Variants in IMPG1 observed in about 807,000 individuals in gnomAD.
IMPG1 encodes the protein interphotoreceptor matrix proteoglycan of 150 kDa.
IMPG1 carries 85 observed loss-of-function variants against 92.0 expected under a neutral mutation model. The observed-to-expected ratio is 0.92, with a 90% CI of 0.78 to 1.11. IMPG1 has a LOEUF of 1.11. Among genes scored for constraint, IMPG1 ranks in the 50% least tolerant of loss-of-function variants. The pLI is 0.00. For synonymous variants in IMPG1, 367 were observed against 334.1 expected (o/e 1.10, Z -1.08); for missense variants, 1,022 against 956.0 (o/e 1.07, Z -0.91).
At chr6:75,973,703 A>G (rs145519268) in intron 12 of IMPG1, among the ~76,000 whole-genome samples, 114 of 152,342 alleles carry the variant, frequency 7.5e-4, no homozygotes, top group African/African-American at 2.6e-3. Context: ...TTACTTCACT[A>G]CACTACTGAG....
rs867586573 is a variant in IMPG1 at position 75,971,129 on chromosome 6, T to A, written c.1292-20035A>T. 4.6e-5 allele frequency among the ~76,000 whole-genome samples: 7 copies of A among 152,260 alleles called. No homozygotes were observed. In the Middle Eastern group the frequency reaches 0.017, roughly 370 times the overall value. On this transcript the variant is annotated intron_variant, in intron 12 of 16. Coordinates refer to ENST00000369950, the MANE Select transcript of IMPG1 (RefSeq NM_001563.4). ...GTGGCACATATACACCATGGAATAC[T>A]ATGCAGCCATAAAAAATGATGAGTT... is the stretch of plus-strand genomic sequence containing the variant.
At chr6:76,006,210 T>C (rs1400054076) in intron 9 of IMPG1, among the ~76,000 whole-genome samples, 8 of 151,842 alleles carry the variant, frequency 5.3e-5, no homozygotes, top group Admixed American at 2.0e-4. Flanking sequence ...AGTCATGCCG[T>C]GCCAATCAGG....
chr6:76,060,636 G>A (rs1784189839), intron 1 of IMPG1, among the ~76,000 whole-genome samples: 1 of 152,186 alleles, frequency 6.6e-6, no homozygotes, highest in South Asian at 2.1e-4. Flanking sequence ...AGGTCCAGTG[G>A]TTGCTGAAAA....
At chr6:75,939,044 G>T (rs1781795595) in intron 14 of IMPG1, among the ~76,000 whole-genome samples, 1 of 151,998 alleles carries the variant, frequency 6.6e-6, no homozygotes, top group African/African-American at 2.4e-5. Flanking sequence ...TCATCATGTT[G>T]CCCAGGCTGG....
At chr6:75,998,447 T>C (rs1044144501) in intron 12 of IMPG1, among the ~76,000 whole-genome samples, 4 of 152,142 alleles carry the variant, frequency 2.6e-5, no homozygotes, top group Admixed American at 2.0e-4. Flanking sequence ...AAGGCTGAGA[T>C]GAGACAAAGA....
chr6:76,001,757 C>T (rs1782994230), intron 12 of IMPG1, among the ~76,000 whole-genome samples: 2 of 152,134 alleles, frequency 1.3e-5, no homozygotes, highest in African/African-American at 2.4e-5. Flanking sequence ...TGATCCCTGC[C>T]AAAATTACAG....
At chr6:75,982,261 T>A (rs754253959) in intron 12 of IMPG1, among the ~76,000 whole-genome samples, 1 of 152,142 alleles carries the variant, frequency 6.6e-6, no homozygotes, top group Non-Finnish European at 1.5e-5. Context: ...GGCAACAGAC[T>A]GTTATTTACC....
At position 76,002,962 on chromosome 6, in the gene IMPG1, TC is replaced by T; in HGVS notation, c.1246del (p.Glu416AsnfsTer44). ...ATLSPELPPV[E>X]PQLETVDGAE... ...TCCGTCCACTGTCTCAAGCTGGGGT[TC>T]AACAGGAGGAAGTTCTGGACTCAAA... On this transcript the variant is annotated frameshift_variant, in exon 12 of 17. Coordinates refer to ENST00000369950, the MANE Select transcript of IMPG1 (RefSeq NM_001563.4). LOFTEE classifies it high-confidence loss of function. The T allele has an allele frequency of 6.2e-7, 1 of 1,613,826 alleles. No homozygotes were observed. The highest frequency in any genetic ancestry group is 8.5e-7 in the Non-Finnish European group (1 of 1,179,800).
chr6:75,948,254 C>T (rs1781961611), intron 13 of IMPG1, among the ~76,000 whole-genome samples: 1 of 152,206 alleles, frequency 6.6e-6, no homozygotes, highest in Non-Finnish European at 1.5e-5. Context: ...TGCCCCATGG[C>T]ATTGTGTTTC....
At chr6:75,997,645 C>T (rs1477154623) in intron 12 of IMPG1, among the ~76,000 whole-genome samples, 1 of 152,156 alleles carries the variant, frequency 6.6e-6, no homozygotes, top group Non-Finnish European at 1.5e-5. Flanking sequence ...AGGGAGGGCA[C>T]ATATCCTCCA....
At chr6:75,948,661 G>T (rs1287041779) in intron 13 of IMPG1, among the ~76,000 whole-genome samples, 1 of 152,158 alleles carries the variant, frequency 6.6e-6, no homozygotes, top group Non-Finnish European at 1.5e-5. Flanking sequence ...TTGGCCTGGG[G>T]TAGAGATTCC....
At chr6:76,020,387 C>T (rs541368140) in intron 6 of IMPG1, among the ~76,000 whole-genome samples, 1 of 152,188 alleles carries the variant, frequency 6.6e-6, no homozygotes, top group Non-Finnish European at 1.5e-5. Context: ...TTCATGCCAG[C>T]AGTTCAACCA....
chr6:76,052,843 G>A (rs59030422), intron 1 of IMPG1, among the ~76,000 whole-genome samples: 2,450 of 152,250 alleles, frequency 0.016, 64 homozygotes, highest in African/African-American at 0.056. Context: ...ATGCTGAGGT[G>A]AAGTTGGAGT....
At chr6:76,050,096 G>A (rs1784012538) in intron 1 of IMPG1, among the ~76,000 whole-genome samples, 1 of 152,122 alleles carries the variant, frequency 6.6e-6, no homozygotes, top group Non-Finnish European at 1.5e-5. Flanking sequence ...CCAAGGATGT[G>A]AGTGGCAGTT....
At chr6:75,928,207 CT>C (rs35175159) in intron 15 of IMPG1, among the ~76,000 whole-genome samples, 10 of 148,030 alleles carry the variant, frequency 6.8e-5, no homozygotes, top group Admixed American at 6.7e-5. Flanking sequence ...TTCTTTCTTT[CT>C]TTTTTTTTTG....
chr6:75,976,205 AT>A (rs1782529680), intron 12 of IMPG1, among the ~76,000 whole-genome samples: 1 of 152,202 alleles, frequency 6.6e-6, no homozygotes, highest in African/African-American at 2.4e-5. Context: ...CTTAAAAGTT[AT>A]TTCTTAACAT....
At chr6:76,010,102 T>C (rs1467589721) in intron 8 of IMPG1, among the ~76,000 whole-genome samples, 1 of 152,242 alleles carries the variant, frequency 6.6e-6, no homozygotes, top group African/African-American at 2.4e-5. Context: ...ATTTCCTTTC[T>C]CTGGAGTTAT....
chr6:75,983,925 T>A (rs894369557), intron 12 of IMPG1, among the ~76,000 whole-genome samples: 4 of 152,028 alleles, frequency 2.6e-5, no homozygotes, highest in African/African-American at 9.7e-5. Context: ...CAGATATTGC[T>A]CAAAAGAAGA....
chr6:76,010,090 G>A (rs1783158097), intron 8 of IMPG1, among the ~76,000 whole-genome samples: 1 of 152,208 alleles, frequency 6.6e-6, no homozygotes, highest in African/African-American at 2.4e-5. Context: ...TCACTTTTCA[G>A]TATTTCCTTT....
Sources: allele counts gnomAD v4.1 joint callset (sites outside exome capture counted in the v4.1 genomes callset), GRCh38; gene constraint gnomAD v4.1.1; transcripts MANE v1.5; gene names NCBI Gene and HGNC (gene_info 2026-07-23, HGNC 2026-07-21).